Variants in MRC1 observed in about 807,000 individuals in gnomAD.
The protein encoded by MRC1 is macrophage mannose receptor 1.
MRC1 carries 62 observed loss-of-function variants against 102.9 expected under a neutral mutation model. The observed-to-expected ratio is 0.60, with a 90% CI of 0.49 to 0.74. MRC1 has a LOEUF of 0.74. Ranked by LOEUF, MRC1 falls within the 30% of genes least tolerant of loss-of-function variation. The pLI, the probability that MRC1 is intolerant of heterozygous loss-of-function variation, is 0.00. For synonymous variants in MRC1, 457 were observed against 298.4 expected, an observed-to-expected ratio of 1.53 and a Z score of -5.48; for missense variants, 1,237 against 862.8, an observed-to-expected ratio of 1.43 and a Z score of -5.43.
chr10:17,866,850 C>G (rs1207206585), intron 12 of MRC1, 89 bp downstream of exon 12: 2 of 767,954 alleles, frequency 2.6e-6, no homozygotes, highest in African/African-American at 1.7e-5. Context: ...AAACAAAAAC[C>G]AAAACACTCT....
intron 26 of MRC1, among the ~76,000 whole-genome samples, chr10:17,905,312 G>A (rs1296233163): frequency 6.6e-6 from 1 of 152,062 alleles, no homozygotes; most frequent in African/African-American, 2.4e-5. Flanking sequence ...CATTTTTCTT[G>A]CATAAATGCT....
At chr10:17,812,796 C>T (rs1342300008) in intron 1 of MRC1, among the ~76,000 whole-genome samples, 5 of 152,088 alleles carry the variant, frequency 3.3e-5, no homozygotes, top group African/African-American at 1.2e-4. Context: ...TGGTCTTGAA[C>T]TCCTGACCTC....
At chr10:17,875,006 C>G (rs1833410289) in intron 16 of MRC1, 84 bp from the exon 17 acceptor site, 1 of 778,108 alleles carries the variant, frequency 1.3e-6, no homozygotes, top group African/African-American at 1.7e-5. Flanking sequence ...GCAGCTCTAT[C>G]CCTTTCACCT....
At chr10:17,851,350 A>C (rs922519926) in intron 7 of MRC1, among the ~76,000 whole-genome samples, 3 of 152,136 alleles carry the variant, frequency 2.0e-5, no homozygotes, top group African/African-American at 7.2e-5. Flanking sequence ...TGTAAAGTTA[A>C]AATTATTGTT....
intron 4 of MRC1, among the ~76,000 whole-genome samples, chr10:17,834,816 C>T (rs1318308008): frequency 6.6e-6 from 1 of 152,176 alleles, no homozygotes; most frequent in East Asian, 1.9e-4. Context: ...CTAAAATATA[C>T]ACTTGGGGAA....
At position 17,910,324 on chromosome 10, in the gene MRC1, T is replaced by C. The variant is rs1000221288; in HGVS notation, c.4230T>C (p.Phe1410=). ...LTGAGLAAYF[F]YKKRRVHLPQ... is the part of the protein sequence containing the mutation. ...GTGCTGGCCTTGCCGCCTATTTCTT[T>C]TATAAGAAAAGACGTGTGCACCTAC... is the stretch of plus-strand genomic sequence containing the variant. Residue 1410 remains phenylalanine (F), a synonymous_variant, in exon 30 of 30, where the codon TTT becomes TTC. Transcript: ENST00000569591. 1.8e-5 allele frequency: 14 copies of C among 780,712 alleles called. No homozygotes were observed. The highest frequency in any genetic ancestry group is 3.1e-5 in the Non-Finnish European group (13 of 417,960). 48.4% of individuals were successfully genotyped at this position (780,712 alleles called of 1,614,324 possible).
At chr10:17,834,602 C>A (rs797023300) in intron 4 of MRC1, among the ~76,000 whole-genome samples, 28,797 of 151,992 alleles carry the variant, frequency 0.19, 3,033 homozygotes, top group Middle Eastern at 0.26. Context: ...TTAGTAGAGA[C>A]GGGGTTTCAC....
intron 22 of MRC1, among the ~76,000 whole-genome samples, chr10:17,891,298 C>G (rs968865964): frequency 6.6e-6 from 1 of 151,788 alleles, no homozygotes; most frequent in Non-Finnish European, 1.5e-5. Flanking sequence ...TCCCGAGTAG[C>G]TGGGACTACA....
intron 2 of MRC1, among the ~76,000 whole-genome samples, chr10:17,824,807 TATA>T (rs1838448868): frequency 6.6e-6 from 1 of 152,140 alleles, no homozygotes; most frequent in Admixed American, 6.6e-5. Flanking sequence ...TATTTTAAAA[TATA>T]ATATTATGCT....
At chr10:17,877,508 A>T (rs1034074879) in intron 17 of MRC1, among the ~76,000 whole-genome samples, 49,453 of 150,748 alleles carry the variant, frequency 0.33, 8,587 homozygotes, top group Non-Finnish European at 0.36. Flanking sequence ...TTTACATATA[A>T]CTGATTATTC....
intron 4 of MRC1, among the ~76,000 whole-genome samples, chr10:17,835,689 A>T (rs1838651856): frequency 6.6e-6 from 1 of 152,226 alleles, no homozygotes. Flanking sequence ...CAAAATAAAA[A>T]TACTTAGAAA....
intron 9 of MRC1, among the ~76,000 whole-genome samples, chr10:17,858,878 T>A (rs1833137970): frequency 6.6e-6 from 1 of 152,254 alleles, no homozygotes; most frequent in Non-Finnish European, 1.5e-5. Flanking sequence ...TGACCCATCA[T>A]TAGTTTTATT....
rs1269330804 is a variant in MRC1, at chr10:17,866,856, A to T, written c.1983+95A>T. 5.3e-6 allele frequency: 4 copies of T among 758,076 alleles called. No individual in the cohort carries two copies. In the Admixed American group the frequency reaches 7.2e-5, roughly 14 times the overall value. The allele number at this position is 758,076 out of a possible 1,614,324, so 47.0% of individuals were successfully genotyped here. A position where few individuals can be genotyped will look rare whatever the true frequency, so the allele number is the denominator to read the frequency against. On this transcript the variant is annotated intron_variant, in intron 12 of 29. Coordinates refer to ENST00000569591, the MANE Select transcript of MRC1 (RefSeq NM_002438.4). ...ATAGAAAACAAACAAAAACCAAAAC[A>T]CTCTGCCCAGACTCTACCATAGGTA...
chr10:17,840,105 G>A (rs1405259035), intron 4 of MRC1, among the ~76,000 whole-genome samples: 1 of 150,192 alleles, frequency 6.7e-6, no homozygotes, highest in Non-Finnish European at 1.5e-5. Flanking sequence ...ATAGGTTAGA[G>A]TGTTTACCGC....
At chr10:17,865,152 A>G (rs935940585) in intron 11 of MRC1, among the ~76,000 whole-genome samples, 2 of 152,310 alleles carry the variant, frequency 1.3e-5, no homozygotes, top group Admixed American at 1.3e-4. Flanking sequence ...TTGGGTGAAA[A>G]GCTAAAAAAT....
intron 4 of MRC1, among the ~76,000 whole-genome samples, chr10:17,835,299 A>C (rs1245680141): frequency 1.3e-5 from 2 of 152,232 alleles, no homozygotes; most frequent in Admixed American, 1.3e-4. Flanking sequence ...CCTTGACAAC[A>C]CTATAAATAC....
chr10:17,881,700 A>G (rs1833520644), intron 21 of MRC1, among the ~76,000 whole-genome samples: 2 of 127,286 alleles, frequency 1.6e-5, no homozygotes, highest in South Asian at 5.0e-4. Flanking sequence ...TTTTGGTAAC[A>G]AGGTCTTACT....
intron 12 of MRC1, among the ~76,000 whole-genome samples, chr10:17,868,552 GAC>G (rs1469877767): frequency 1.3e-5 from 2 of 152,152 alleles, no homozygotes; most frequent in African/African-American, 4.8e-5. Flanking sequence ...TTTGGGTGGG[GAC>G]ACAGAGTCAA....
chr10:17,840,304 A>G (rs183889143), intron 4 of MRC1, among the ~76,000 whole-genome samples: 2 of 151,850 alleles, frequency 1.3e-5, no homozygotes, highest in Admixed American at 6.5e-5. Flanking sequence ...TTAAAAAATG[A>G]TAAAATAAAA....
Sources: gnomAD v4.1 joint callset for allele counts (sites outside exome capture counted in the v4.1 genomes callset) on GRCh38, gnomAD v4.1.1 for gene constraint, MANE v1.5 for transcripts, NCBI Gene and HGNC (gene_info 2026-07-23, HGNC 2026-07-21) for gene names.